Variants in RSRC1 observed in about 807,000 individuals in gnomAD.
RSRC1 encodes the protein arginine and serine rich coiled-coil 1.
A neutral mutation model predicts 49.1 loss-of-function variants in RSRC1; 39 were observed. That is an observed-to-expected ratio of 0.79 (90% CI 0.61 to 1.04). RSRC1 has a LOEUF of 1.04. Ranked by LOEUF, RSRC1 falls within the 50% of genes least tolerant of loss-of-function variation. The probability of loss-of-function intolerance (pLI) is 0.00; values close to 1 mark genes in which losing one functional copy is unlikely to be tolerated. For synonymous variants in RSRC1, 143 were observed against 130.8 expected (o/e 1.09, Z -0.63); for missense variants, 388 against 402.4 (o/e 0.96, Z 0.31).
At chr3:158,535,469 T>C (rs556907798) in intron 7 of RSRC1, among the ~76,000 whole-genome samples, 2 of 151,490 alleles carry the variant, frequency 1.3e-5, no homozygotes, top group Non-Finnish European at 3.0e-5. Flanking sequence ...TAAAAGTATG[T>C]ACTTCATATC....
At chr3:158,232,129 G>C (rs1316993845) in intron 4 of RSRC1, among the ~76,000 whole-genome samples, 1 of 151,928 alleles carries the variant, frequency 6.6e-6, no homozygotes, top group Non-Finnish European at 1.5e-5. Context: ...ATATGTTTTT[G>C]TTTAGTACTT....
chr3:158,455,291 T>G (rs1190304566), intron 6 of RSRC1, among the ~76,000 whole-genome samples: 3 of 152,106 alleles, frequency 2.0e-5, no homozygotes, highest in Admixed American at 2.0e-4. Flanking sequence ...AAAACAACTT[T>G]GGGATGAGGG....
At chr3:158,236,977 A>C (rs1481445482) in intron 4 of RSRC1, among the ~76,000 whole-genome samples, 7 of 152,210 alleles carry the variant, frequency 4.6e-5, no homozygotes, top group Non-Finnish European at 8.8e-5. Flanking sequence ...AGAAGCCATT[A>C]GATAAAACTG....
intron 6 of RSRC1, among the ~76,000 whole-genome samples, chr3:158,442,323 A>G (rs913746953): frequency 2.0e-5 from 3 of 152,226 alleles, no homozygotes; most frequent in East Asian, 1.9e-4. Flanking sequence ...ATTGGAGTCA[A>G]TCCTCTCAAA....
At chr3:158,232,012 G>A (rs1344760938) in intron 4 of RSRC1, among the ~76,000 whole-genome samples, 1 of 151,860 alleles carries the variant, frequency 6.6e-6, no homozygotes, top group African/African-American at 2.4e-5. Context: ...TTTACCCATA[G>A]GCTAAAATGT....
At chr3:158,136,351 A>G (rs1021566395) in intron 3 of RSRC1, among the ~76,000 whole-genome samples, 1 of 152,208 alleles carries the variant, frequency 6.6e-6, no homozygotes, top group Admixed American at 6.5e-5. Context: ...CATGCTCTAA[A>G]ATAGTTATAA....
chr3:158,496,460 C>A (rs1739326358), intron 7 of RSRC1: 1 of 152,358 alleles, frequency 6.6e-6, no homozygotes, highest in African/African-American at 2.4e-5. Context: ...CTGGAATAGA[C>A]CTTCATTATA....
At chr3:158,321,013 ATTCTC>A (rs1473997063) in intron 5 of RSRC1, among the ~76,000 whole-genome samples, 1 of 152,094 alleles carries the variant, frequency 6.6e-6, no homozygotes, top group Non-Finnish European at 1.5e-5. Context: ...AAAAACCGGG[ATTCTC>A]TGTACAGGAA....
chr3:158,347,548 AT>A (rs141351453), intron 5 of RSRC1, among the ~76,000 whole-genome samples: 4 of 151,436 alleles, frequency 2.6e-5, no homozygotes, highest in Admixed American at 6.6e-5. Context: ...TCTGATCTTA[AT>A]TTTTTTTTGT....
chr3:158,252,460 C>T (rs1175304787), intron 4 of RSRC1, among the ~76,000 whole-genome samples: 2 of 152,142 alleles, frequency 1.3e-5, no homozygotes, highest in South Asian at 2.1e-4. Context: ...CCACCACGCC[C>T]GGCCGATGAA....
chr3:158,476,517 A>G (rs1448204245), intron 7 of RSRC1, among the ~76,000 whole-genome samples: 2 of 152,156 alleles, frequency 1.3e-5, no homozygotes, highest in African/African-American at 4.8e-5. Context: ...TCCCATTCCA[A>G]AAATCCTAGG....
chr3:158,153,068 C>A (rs1485038821), intron 3 of RSRC1, among the ~76,000 whole-genome samples: 1 of 152,166 alleles, frequency 6.6e-6, no homozygotes, highest in East Asian at 1.9e-4. Context: ...TGGAGTTTTC[C>A]AGACAACCTA....
intron 3 of RSRC1, among the ~76,000 whole-genome samples, chr3:158,166,604 T>G (rs1426507363): frequency 2.6e-5 from 4 of 152,196 alleles, no homozygotes; most frequent in Admixed American, 6.5e-5. Flanking sequence ...AAACTAGATG[T>G]GTGTATTTAG....
intron 7 of RSRC1, among the ~76,000 whole-genome samples, chr3:158,513,164 T>G (rs952592052): frequency 2.0e-5 from 3 of 148,794 alleles, no homozygotes; most frequent in African/African-American, 5.0e-5. Flanking sequence ...TGAATAGGAG[T>G]GGTGAGAGAG....
chr3:158,410,375 C>T (rs1734395407), intron 6 of RSRC1, among the ~76,000 whole-genome samples: 1 of 152,136 alleles, frequency 6.6e-6, no homozygotes, highest in African/African-American at 2.4e-5. Flanking sequence ...TCAGCTTAAA[C>T]TTTATATCTC....
At chr3:158,523,694 G>T (rs1711837187) in intron 7 of RSRC1, among the ~76,000 whole-genome samples, 1 of 151,946 alleles carries the variant, frequency 6.6e-6, no homozygotes. Flanking sequence ...AAGTCAGAAG[G>T]AGCCAAATCA....
intron 3 of RSRC1, among the ~76,000 whole-genome samples, chr3:158,167,619 T>C (rs1488331989): frequency 1.3e-5 from 2 of 152,226 alleles, no homozygotes; most frequent in Non-Finnish European, 2.9e-5. Flanking sequence ...TTCATAAGTT[T>C]GTGCAGAAAG....
chr3:158,362,482 G>C (rs529357335), intron 6 of RSRC1, among the ~76,000 whole-genome samples: 1 of 152,200 alleles, frequency 6.6e-6, no homozygotes, highest in African/African-American at 2.4e-5. Context: ...GGATCTAGCT[G>C]TCTGAAAAAC....
intron 6 of RSRC1, among the ~76,000 whole-genome samples, chr3:158,456,982 GCAGA>G (rs1279313703): frequency 6.6e-6 from 1 of 152,112 alleles, no homozygotes; most frequent in African/African-American, 2.4e-5. Context: ...AGTATTTTTA[GCAGA>G]CAGTGACATC....
Sources: gnomAD v4.1 joint callset for allele counts (sites outside exome capture counted in the v4.1 genomes callset) on GRCh38, gnomAD v4.1.1 for gene constraint, MANE v1.5 for transcripts, NCBI Gene and HGNC (gene_info 2026-07-23, HGNC 2026-07-21) for gene names.